Variants in COQ4 observed in about 807,000 individuals in gnomAD.
COQ4 encodes the protein ubiquinone biosynthesis protein COQ4 homolog, mitochondrial.
Under a neutral mutation model 30.2 loss-of-function variants are expected in COQ4, and 36 were observed. That is an observed-to-expected ratio of 1.19 (90% CI 0.91 to 1.57). The LOEUF is 1.57. COQ4 is among the 40% of genes most tolerant of loss of function. COQ4 has a pLI of 0.00. For synonymous variants in COQ4, 197 were observed against 161.0 expected (o/e 1.22, Z -1.69); for missense variants, 369 against 371.9 (o/e 0.99, Z 0.07).
chr9:128,329,679 C>T (rs1832375014), intron 4 of COQ4, among the ~76,000 whole-genome samples: 1 of 152,154 alleles, frequency 6.6e-6, no homozygotes, highest in Non-Finnish European at 1.5e-5. Flanking sequence ...CCTTGTTTTC[C>T]TTATCTATAT....
intron 2 of COQ4, 118 bp from the exon 3 acceptor site, chr9:128,325,025 T>C: frequency 1.5e-6 from 1 of 676,582 alleles, no homozygotes; most frequent in South Asian, 1.9e-5. Flanking sequence ...CCTGAATCCT[T>C]ATAACAAAGA....
intron 4 of COQ4, among the ~76,000 whole-genome samples, chr9:128,329,062 G>T (rs146167442): frequency 2.6e-5 from 4 of 152,346 alleles, no homozygotes; most frequent in Admixed American, 1.3e-4. Context: ...TTGGTGAGAG[G>T]TGTGGTCATC....
In COQ4 at chr9:128,333,498, G is replaced by A. The variant is rs1832448656; in HGVS notation, c.651G>A (p.Glu217=). ...GAQSLQVLVS[E]LIPWAVQNGR... is the part of the protein sequence containing the mutation. ...GGAGCCTGCAAGTGCTGGTCTCGGA[G>A]TTGATCCCATGGGCCGTTCAGAACG... is the stretch of plus-strand genomic sequence containing the variant. The change falls in exon 7 of 7, where the codon GAG becomes GAA. Residue 217 remains glutamate, a synonymous_variant. Coordinates refer to ENST00000300452, the MANE Select transcript of COQ4 (RefSeq NM_016035.5). The A allele has an allele frequency of 1.9e-6, 3 of 1,560,082 alleles. No individual in the cohort carries two copies. The highest frequency in any genetic ancestry group is 8.6e-7 in the Non-Finnish European group (1 of 1,156,416).
chr9:128,326,088 T>G, intron 4 of COQ4: 1 of 605,800 alleles, frequency 1.7e-6, no homozygotes, highest in Non-Finnish European at 3.0e-6. Flanking sequence ...CAGTGTTCAT[T>G]AACCTCGCAC....
At chr9:128,325,683 C>A in intron 3 of COQ4, 96 bp from the exon 4 acceptor site, 1 of 928,940 alleles carries the variant, frequency 1.1e-6, no homozygotes, top group Non-Finnish European at 1.7e-6. Context: ...GGCCACATTG[C>A]TCCTCTGTAC....
At chr9:128,326,924 C>G (rs1832332796) in intron 4 of COQ4, among the ~76,000 whole-genome samples, 1 of 151,724 alleles carries the variant, frequency 6.6e-6, no homozygotes, top group African/African-American at 2.4e-5. Context: ...AATTTTTGTA[C>G]TTTTAGTAGA....
rs117157923 is a variant in COQ4, at chr9:128,324,776, A to G, written c.203-367A>G. Reference sequence around the variant, plus strand: ...AAAAACAAAACAAAACAGAAATGTGAAGCAATTTGTACTAGGTCACCTAGA... The same window carrying G: ...AAAAACAAAACAAAACAGAAATGTGGAGCAATTTGTACTAGGTCACCTAGA... On this transcript the variant is annotated intron_variant, in intron 2 of 6. Coordinates refer to ENST00000300452, the MANE Select transcript of COQ4 (RefSeq NM_016035.5). Among the ~76,000 whole-genome samples the G allele has an allele frequency of 3.9e-3, 569 of 145,196 alleles. 19 individuals are homozygous for G. In the East Asian group the frequency reaches 0.086, roughly 22 times the overall value.
intron 4 of COQ4, chr9:128,326,457 CTT>C (rs111519494): frequency 2.0e-5 from 3 of 148,378 alleles, no homozygotes; most frequent in Non-Finnish European, 1.5e-5. Flanking sequence ...TGTGCCATCC[CTT>C]TTTTTTTTTG....
In COQ4 at chr9:128,325,806, C is replaced by A. The variant is rs1832308602; in HGVS notation, c.327C>A (p.Thr109=). 2 of 1,614,070 alleles carry A rather than the reference C, an allele frequency of 1.2e-6. No homozygotes were observed. The highest frequency in any genetic ancestry group is 1.7e-5 in the Admixed American group (1 of 59,992). ...LQERPRISTS[T]LDLGKLQSLP... is the part of the protein sequence containing the mutation. ...AGCGTCCCCGGATTTCGACATCCACCCTCGACCTGGGCAAGCTCCAGAGCC... is the reference window on the plus strand; with the variant it reads ...AGCGTCCCCGGATTTCGACATCCACACTCGACCTGGGCAAGCTCCAGAGCC... The change falls in exon 4 of 7, where the codon ACC becomes ACA. Residue 109 remains threonine (T), a synonymous_variant. Coordinates refer to ENST00000300452, the MANE Select transcript of COQ4 (RefSeq NM_016035.5).
intron 4 of COQ4, chr9:128,326,172 T>TATC: frequency 1.8e-6 from 1 of 561,686 alleles, no homozygotes; most frequent in South Asian, 2.3e-5. Context: ...GTTCTATTAT[T>TATC]ATCCTCTTTT....
chr9:128,323,196 C>A (rs1229790070), intron 2 of COQ4, 49 bp downstream of exon 2: 1 of 1,519,506 alleles, frequency 6.6e-7, no homozygotes, highest in Non-Finnish European at 8.8e-7. Context: ...GGAGCCGTTT[C>A]CTGTGGGTAA....
chr9:128,332,052 G>A lies in COQ4; in HGVS notation c.403-101G>A, dbSNP rs561637456. On this transcript the variant is annotated intron_variant, in intron 4 of 6. Transcript: ENST00000300452. ...GCCAGTCGCCAGAGTTTTCTAGTAG[G>A]TATGAGTTAGGTGAGAGTTGTGACG... 5 of 1,378,034 alleles carry A rather than the reference G, an allele frequency of 3.6e-6. No homozygotes were observed. In the South Asian group the frequency reaches 7.0e-5, roughly 19 times the overall value. 85.4% of individuals were successfully genotyped at this position (1,378,034 alleles called of 1,614,324 possible).
rs1289173041 is a variant in COQ4 at position 128,326,830 on chromosome 9, A to C, written c.402+949A>C. On this transcript the variant is annotated intron_variant, in intron 4 of 6. Transcript: ENST00000300452. ...AGTGGCGCCGTCTCGGCTCACTGCAACTCAGCTTCCTGGGTTCAAGCGATT... is the reference window on the plus strand; with the variant it reads ...AGTGGCGCCGTCTCGGCTCACTGCACCTCAGCTTCCTGGGTTCAAGCGATT... Among the ~76,000 whole-genome samples, 3 of 149,304 alleles carry C rather than the reference A, an allele frequency of 2.0e-5. No individual in the cohort carries two copies. In the East Asian group the frequency reaches 6.1e-4, roughly 30 times the overall value.
chr9:128,332,758 G>C, intron 5 of COQ4, 92 bp from the exon 6 acceptor site: 1 of 971,656 alleles, frequency 1.0e-6, no homozygotes, highest in Non-Finnish European at 1.7e-6. Context: ...AGAGATTAGG[G>C]AGGAACAGTG....
intron 2 of COQ4, chr9:128,323,589 C>G: frequency 2.6e-6 from 1 of 389,926 alleles, no homozygotes; most frequent in Non-Finnish European, 4.5e-6. Flanking sequence ...CTAGAACATT[C>G]TAGGGTTCTA....
rs1229529144 is a variant in COQ4, at chr9:128,331,950, A to C, written c.403-203A>C. Reference sequence around the variant, plus strand: ...CACCGTATTGGTCAGGCTGGTGTTGAACTCCTGATCTCAGGTGATCCGCCC... The same window carrying C: ...CACCGTATTGGTCAGGCTGGTGTTGCACTCCTGATCTCAGGTGATCCGCCC... On this transcript the variant is annotated intron_variant, in intron 4 of 6. Transcript: ENST00000300452. 1.1e-5 allele frequency: 6 copies of C among 532,712 alleles called. 1 individual carries two copies. The highest frequency in any genetic ancestry group is 6.9e-5 in the South Asian group (3 of 43,482). The allele number at this position is 532,712 out of a possible 1,614,324, so 33.0% of individuals were successfully genotyped here.
chr9:128,332,602 T>C, intron 5 of COQ4: 1 of 586,984 alleles, frequency 1.7e-6, no homozygotes. Context: ...GCCTGGCTTA[T>C]GGGGTCATGG....
chr9:128,328,511 T>C (rs1832357229), intron 4 of COQ4, among the ~76,000 whole-genome samples: 1 of 152,154 alleles, frequency 6.6e-6, no homozygotes, highest in South Asian at 2.1e-4. Context: ...GGTAGGATGT[T>C]TAGTGGCATC....
chr9:128,331,535 A>T (rs772089189), intron 4 of COQ4: 1 of 152,204 alleles, frequency 6.6e-6, no homozygotes, highest in Non-Finnish European at 1.5e-5. Flanking sequence ...GGAGCAAGTT[A>T]TGCTAGGATC....
Sources: gnomAD v4.1 joint callset for allele counts (sites outside exome capture counted in the v4.1 genomes callset) on GRCh38, gnomAD v4.1.1 for gene constraint, MANE v1.5 for transcripts, NCBI Gene and HGNC (gene_info 2026-07-23, HGNC 2026-07-21) for gene names.